The following FGF14 variants were observed in gnomAD, a reference collection of about 807,000 sequenced individuals.
FGF14 encodes the protein fibroblast growth factor homologous factor 4.
Under a neutral mutation model 25.5 loss-of-function variants are expected in FGF14, and 5 were observed. The observed-to-expected ratio is 0.20, with a 90% CI of 0.10 to 0.41. The LOEUF (loss-of-function observed/expected upper bound fraction) is 0.41. FGF14 is among the 10% of genes least tolerant of loss of function. FGF14 has a pLI of 1.00. For synonymous variants in FGF14, 138 were observed against 118.3 expected (o/e 1.17, Z -1.08); for missense variants, 222 against 320.1 (o/e 0.69, Z 2.34).
intron 1 of FGF14, among the ~76,000 whole-genome samples, chr13:102,202,505 C>T (rs538238513): frequency 2.0e-5 from 3 of 152,236 alleles, no homozygotes; most frequent in South Asian, 4.2e-4. Flanking sequence ...TTTGAATCAC[C>T]ACTAGTCTGT....
intron 3 of FGF14, among the ~76,000 whole-genome samples, chr13:101,863,906 A>G (rs779272469): frequency 1.2e-4 from 18 of 152,056 alleles, no homozygotes; most frequent in Non-Finnish European, 2.5e-4. Flanking sequence ...CTAAGGACAG[A>G]CGGAAACACA....
chr13:102,064,746 T>C (rs2042832940), intron 1 of FGF14, among the ~76,000 whole-genome samples: 1 of 151,826 alleles, frequency 6.6e-6, no homozygotes, highest in African/African-American at 2.4e-5. Flanking sequence ...TAAAAAACAA[T>C]AAAGTATAAC....
rs77286297 is a variant in FGF14, at chr13:101,985,080, G to T, written c.209-109784C>A. On this transcript the variant is annotated intron_variant, in intron 1 of 4. Coordinates refer to the FGF14 transcript ENST00000376131. Reference sequence around the variant, plus strand: ...CCATGAATTCAAGGGTTTTTTTTTTGTTTTTTTTTTTTTTGCCACAACAGC... The same window carrying T: ...CCATGAATTCAAGGGTTTTTTTTTTTTTTTTTTTTTTTTTGCCACAACAGC... 1.4e-3 allele frequency among the ~76,000 whole-genome samples: 194 copies of T among 134,742 alleles called. 1 individual carries two copies. Among genetic ancestry groups the T allele is most frequent in the Non-Finnish European group, 2.1e-3 (128 of 61,754 alleles). 88.4% of individuals were successfully genotyped at this position (134,742 alleles called of 152,430 possible).
intron 1 of FGF14, among the ~76,000 whole-genome samples, chr13:102,264,478 C>A (rs1489585999): frequency 6.6e-6 from 1 of 152,076 alleles, no homozygotes; most frequent in Non-Finnish European, 1.5e-5. Flanking sequence ...AGTACAATAC[C>A]AGACACTTAA....
Position 102,209,818 on chromosome 13 carries a change from T to G in FGF14, c.208+191653A>C, listed in dbSNP as rs554183593. Among the ~76,000 whole-genome samples, 14 of 152,200 alleles carry G rather than the reference T, an allele frequency of 9.2e-5. No individual in the cohort carries two copies. The East Asian group carries it at 2.5e-3, about 27-fold the overall frequency. ...TAGCCAATGAAAGGCAAGCACCTATTAAACAAAAGAGAGAATAAACAAATT... is the reference window on the plus strand; with the variant it reads ...TAGCCAATGAAAGGCAAGCACCTATGAAACAAAAGAGAGAATAAACAAATT... On this transcript the variant is annotated intron_variant, in intron 1 of 4. Coordinates refer to the FGF14 transcript ENST00000376131.
chr13:102,387,709 T>C (rs1938649057), intron 1 of FGF14, among the ~76,000 whole-genome samples: 1 of 134,838 alleles, frequency 7.4e-6, no homozygotes, highest in Non-Finnish European at 1.5e-5. Context: ...CACTAGGCAG[T>C]TTTTTTTTTG....
chr13:101,765,963 A>G (rs2139936525), intron 3 of FGF14, among the ~76,000 whole-genome samples: 1 of 152,202 alleles, frequency 6.6e-6, no homozygotes, highest in South Asian at 2.1e-4. Context: ...TCCTGACCTC[A>G]GGTGATCTGC....
intron 1 of FGF14, among the ~76,000 whole-genome samples, chr13:102,320,518 C>T (rs2056205315): frequency 6.6e-6 from 1 of 152,124 alleles, no homozygotes; most frequent in Non-Finnish European, 1.5e-5. Flanking sequence ...AACCAATTTC[C>T]TCTTCAGTGT....
intron 3 of FGF14, among the ~76,000 whole-genome samples, chr13:101,832,200 G>A (rs752793783): frequency 6.6e-6 from 1 of 151,870 alleles, no homozygotes; most frequent in Non-Finnish European, 1.5e-5. Context: ...ACAGGCCAAG[G>A]GATGCTGGAA....
intron 1 of FGF14, among the ~76,000 whole-genome samples, chr13:102,117,605 C>CA: frequency 6.6e-6 from 1 of 152,226 alleles, no homozygotes; most frequent in East Asian, 1.9e-4. Flanking sequence ...GGAAACAACT[C>CA]AAGGGTTCAT....
intron 1 of FGF14, among the ~76,000 whole-genome samples, chr13:102,325,709 C>A (rs1158981978): frequency 6.6e-6 from 1 of 152,166 alleles, no homozygotes; most frequent in East Asian, 1.9e-4. Context: ...ACACTACCAT[C>A]CTCGGTCACA....
chr13:102,322,346 A>G (rs893418262), intron 1 of FGF14, among the ~76,000 whole-genome samples: 3 of 152,188 alleles, frequency 2.0e-5, no homozygotes, highest in Non-Finnish European at 4.4e-5. Context: ...CATAGAGTGC[A>G]GGAACATATT....
intron 1 of FGF14, among the ~76,000 whole-genome samples, chr13:102,232,409 G>C (rs1344691429): frequency 6.6e-6 from 1 of 152,088 alleles, no homozygotes; most frequent in Non-Finnish European, 1.5e-5. Flanking sequence ...AATAACTCTA[G>C]GCAAACATTC....
chr13:102,387,731 G>A (rs1051187407), intron 1 of FGF14, among the ~76,000 whole-genome samples: 2 of 151,184 alleles, frequency 1.3e-5, no homozygotes, highest in Non-Finnish European at 2.9e-5. Context: ...TTGGTTTTTT[G>A]AGAGTTTTTG....
chr13:101,929,221 G>T (rs1038872501), intron 1 of FGF14, among the ~76,000 whole-genome samples: 1 of 152,160 alleles, frequency 6.6e-6, no homozygotes, highest in Non-Finnish European at 1.5e-5. Flanking sequence ...AAGAACAGTG[G>T]AAAGAGTCAG....
At chr13:102,293,902 C>T (rs1020988612) in intron 1 of FGF14, 1 of 152,108 alleles carries the variant, frequency 6.6e-6, no homozygotes, top group African/African-American at 2.4e-5. Flanking sequence ...GTACTAGCAG[C>T]ACTTGATTCA....
At chr13:101,860,519 A>G (rs1201868068) in intron 3 of FGF14, among the ~76,000 whole-genome samples, 2 of 152,112 alleles carry the variant, frequency 1.3e-5, no homozygotes, top group Non-Finnish European at 2.9e-5. Flanking sequence ...GTGGGAAAGT[A>G]GTTTAGACCT....
chr13:101,736,612 A>T (rs1057403223), intron 3 of FGF14, among the ~76,000 whole-genome samples: 2 of 152,160 alleles, frequency 1.3e-5, no homozygotes, highest in Non-Finnish European at 2.9e-5. Flanking sequence ...GCTCTATTAT[A>T]CATGGGTTTG....
intron 1 of FGF14, among the ~76,000 whole-genome samples, chr13:102,059,806 G>A (rs1334449207): frequency 6.6e-5 from 10 of 151,204 alleles, no homozygotes; most frequent in Admixed American, 5.3e-4. Flanking sequence ...AGCCGAGATC[G>A]CACCATTGCA....
Sources: gnomAD v4.1 joint callset for allele counts (sites outside exome capture counted in the v4.1 genomes callset) on GRCh38, gnomAD v4.1.1 for gene constraint, MANE v1.5 for transcripts, NCBI Gene and HGNC (gene_info 2026-07-23, HGNC 2026-07-21) for gene names.